PXDNL: variants seen among roughly 807,000 people sequenced by gnomAD.
The protein encoded by PXDNL is probable oxidoreductase PXDNL.
In PXDNL, 145 loss-of-function variants were observed where a neutral mutation model predicts 150.8. The observed-to-expected ratio is 0.96, with a 90% CI of 0.84 to 1.10. The LOEUF (loss-of-function observed/expected upper bound fraction) is 1.10. Among genes scored for constraint, PXDNL ranks in the 50% least tolerant of loss-of-function variants. PXDNL has a pLI of 0.00. For missense variants in PXDNL, 2,087 were observed against 1,873.9 expected (o/e 1.11, Z -2.10); for synonymous variants, 757 against 725.7 (o/e 1.04, Z -0.69).
At chr8:51,647,463 T>A (rs940348973) in intron 2 of PXDNL, among the ~76,000 whole-genome samples, 1 of 152,180 alleles carries the variant, frequency 6.6e-6, no homozygotes, top group East Asian at 1.9e-4. Flanking sequence ...AGAGAGAAAC[T>A]AAACAATTCC....
intron 21 of PXDNL, among the ~76,000 whole-genome samples, chr8:51,327,288 G>A (rs761283049): frequency 3.3e-5 from 5 of 152,262 alleles, no homozygotes; most frequent in Middle Eastern, 3.4e-3. Flanking sequence ...AGACCAAGCC[G>A]CTGTATAAAA....
chr8:51,630,503 A>G (rs1367424924), intron 2 of PXDNL, among the ~76,000 whole-genome samples: 2 of 152,182 alleles, frequency 1.3e-5, no homozygotes, highest in Non-Finnish European at 2.9e-5. Flanking sequence ...CAGACAGCCT[A>G]CAAAACGGGA....
chr8:51,339,779 A>G, intron 20 of PXDNL, 26 bp from the exon 21 acceptor site: 2 of 1,582,472 alleles, frequency 1.3e-6, no homozygotes, highest in Non-Finnish European at 8.6e-7. Context: ...AGCAAATAAA[A>G]TGCTGAAAAA....
At chr8:51,619,515 G>A (rs1814194128) in intron 2 of PXDNL, among the ~76,000 whole-genome samples, 1 of 152,170 alleles carries the variant, frequency 6.6e-6, no homozygotes, top group African/African-American at 2.4e-5. Flanking sequence ...CCTGGTGGGA[G>A]GTGATTAGAT....
chr8:51,493,126 A>G (rs1292836866), intron 5 of PXDNL, among the ~76,000 whole-genome samples: 1 of 152,138 alleles, frequency 6.6e-6, no homozygotes, highest in Non-Finnish European at 1.5e-5. Context: ...CTGCTCACCA[A>G]TATCCACTGT....
intron 19 of PXDNL, among the ~76,000 whole-genome samples, chr8:51,364,351 C>T (rs2977001): frequency 0.76 from 115,036 of 152,100 alleles, 44,583 homozygotes; most frequent in East Asian, 0.94. Flanking sequence ...CACACTCTTA[C>T]TGTATTCCCA....
intron 17 of PXDNL, among the ~76,000 whole-genome samples, chr8:51,397,476 T>C (rs531464232): frequency 6.6e-6 from 1 of 150,924 alleles, no homozygotes; most frequent in Non-Finnish European, 1.5e-5. Context: ...TCCTTCTGCT[T>C]GTTTAACAAA....
At chr8:51,527,898 G>T (rs1170569707) in intron 4 of PXDNL, among the ~76,000 whole-genome samples, 1 of 151,848 alleles carries the variant, frequency 6.6e-6, no homozygotes, top group Non-Finnish European at 1.5e-5. Flanking sequence ...TGTGGATCCG[G>T]GGCCCAGCTC....
chr8:51,451,125 A>C (rs1809799663), intron 10 of PXDNL, among the ~76,000 whole-genome samples: 1 of 150,976 alleles, frequency 6.6e-6, no homozygotes, highest in African/African-American at 2.4e-5. Context: ...AACATATTAA[A>C]ATTTAATTTT....
intron 1 of PXDNL, among the ~76,000 whole-genome samples, chr8:51,690,530 T>C (rs571169534): frequency 2.0e-5 from 3 of 152,148 alleles, no homozygotes; most frequent in African/African-American, 7.2e-5. Flanking sequence ...TAGTATTCCA[T>C]GGTGTATATG....
chr8:51,729,283 T>C (rs1816874486), intron 1 of PXDNL, among the ~76,000 whole-genome samples: 1 of 151,008 alleles, frequency 6.6e-6, no homozygotes, highest in African/African-American at 2.4e-5. Flanking sequence ...TAAAAGATAG[T>C]TATCCAAAAT....
At chr8:51,521,800 C>G (rs773447748) in intron 4 of PXDNL, among the ~76,000 whole-genome samples, 2 of 151,974 alleles carry the variant, frequency 1.3e-5, no homozygotes, top group Non-Finnish European at 2.9e-5. Flanking sequence ...TACAGAGGAA[C>G]AAGGATAAGA....
At chr8:51,761,025 A>ATTTTTTTTTTTT (rs71237238) in intron 1 of PXDNL, among the ~76,000 whole-genome samples, 113 of 114,438 alleles carry the variant, frequency 9.9e-4, no homozygotes, top group Non-Finnish European at 1.5e-3. Flanking sequence ...CGCCCGGCTA[A>ATTTTTTTTTTTT]TTTTTTTTTT....
At chr8:51,607,311 T>C (rs1159144597) in intron 2 of PXDNL, among the ~76,000 whole-genome samples, 1 of 152,166 alleles carries the variant, frequency 6.6e-6, no homozygotes, top group South Asian at 2.1e-4. Flanking sequence ...TGAGAGTTAA[T>C]TGGCACTAAT....
intron 19 of PXDNL, among the ~76,000 whole-genome samples, chr8:51,346,778 GA>G (rs909671519): frequency 6.6e-6 from 1 of 152,170 alleles, no homozygotes; most frequent in Non-Finnish European, 1.5e-5. Context: ...GGCCATGAGT[GA>G]AAGCTCCCCG....
chr8:51,545,247 T>C (rs1812332398), intron 4 of PXDNL, among the ~76,000 whole-genome samples: 1 of 152,224 alleles, frequency 6.6e-6, no homozygotes, highest in Non-Finnish European at 1.5e-5. Context: ...CTAATTTTTA[T>C]AAGCCATCTG....
Position 51,404,230 on chromosome 8 carries a change from G to A in PXDNL, c.3557+3837C>T, listed in dbSNP as rs146267703. Among the ~76,000 whole-genome samples the A allele has an allele frequency of 5.1e-4, 77 of 152,340 alleles. 1 individual carries two copies. Among genetic ancestry groups the A allele is most frequent in the Middle Eastern group, 6.8e-3 (2 of 294 alleles). On this transcript the variant is annotated intron_variant, in intron 17 of 22. Coordinates refer to ENST00000356297, the MANE Select transcript of PXDNL (RefSeq NM_144651.5). Reference sequence around the variant, plus strand: ...GAAAGAACAAAGCTTCCACACTGTCGAAAGAGACCGGAGTGGATTGCCACT... The same window carrying A: ...GAAAGAACAAAGCTTCCACACTGTCAAAAGAGACCGGAGTGGATTGCCACT...
At chr8:51,646,835 C>T (rs1194427357) in intron 2 of PXDNL, among the ~76,000 whole-genome samples, 3 of 152,052 alleles carry the variant, frequency 2.0e-5, no homozygotes, top group African/African-American at 7.2e-5. Context: ...TAGGGGACAA[C>T]CGCAAGAATC....
chr8:51,675,792 C>CAGAAA lies in PXDNL; in HGVS notation c.165-21033_165-21032insTTTCT, dbSNP rs1554565169. On this transcript the variant is annotated intron_variant, in intron 1 of 22. Transcript: ENST00000356297. ...TGGGCGACACAGCAAGGCTCCGTCT[C>CAGAAA]AAAAAAAAAAAAAAAAAAATTGCCC... Among the ~76,000 whole-genome samples, 5 of 93,250 alleles carry CAGAAA rather than the reference C, an allele frequency of 5.4e-5. 1 individual carries two copies. Among genetic ancestry groups the CAGAAA allele is most frequent in the Middle Eastern group, 6.2e-3 (1 of 162 alleles). The allele number at this position is 93,250 out of a possible 152,430, so 61.2% of individuals were successfully genotyped here.
Sources: gnomAD v4.1 joint callset for allele counts (sites outside exome capture counted in the v4.1 genomes callset) on GRCh38, gnomAD v4.1.1 for gene constraint, MANE v1.5 for transcripts, NCBI Gene and HGNC (gene_info 2026-07-23, HGNC 2026-07-21) for gene names.